OSCP1: variants seen among roughly 807,000 people sequenced by gnomAD.
OSCP1 encodes the protein protein OSCP1.
Under a neutral mutation model 45.1 loss-of-function variants are expected in OSCP1, and 35 were observed. The ratio of observed to expected loss-of-function variants is 0.78; its 90% CI spans 0.59 to 1.03. The LOEUF (loss-of-function observed/expected upper bound fraction) is 1.03. Ranked by LOEUF, OSCP1 falls within the 50% of genes least tolerant of loss-of-function variation. The pLI, the probability that OSCP1 is intolerant of heterozygous loss-of-function variation, is 0.00. For synonymous variants in OSCP1, 179 were observed against 180.1 expected (o/e 0.99, Z 0.05); for missense variants, 400 against 470.7 (o/e 0.85, Z 1.39).
At chr1:36,428,475 T>G in intron 4 of OSCP1, 1 of 1,613,240 alleles carries the variant, frequency 6.2e-7, no homozygotes, top group Non-Finnish European at 8.5e-7. Context: ...AAGCACTCTC[T>G]CTGTATATGC....
At chr1:36,423,889 TAA>T (rs1246615363) in intron 4 of OSCP1, among the ~76,000 whole-genome samples, 2 of 149,992 alleles carry the variant, frequency 1.3e-5, no homozygotes, top group African/African-American at 4.9e-5. Flanking sequence ...AATAAAAAAA[TAA>T]AAAAAAGAAG....
intron 1 of OSCP1, chr1:36,440,767 C>T (rs1407283867): frequency 6.6e-6 from 1 of 152,140 alleles, no homozygotes; most frequent in Non-Finnish European, 1.5e-5. Context: ...AATTGAAAAG[C>T]CACACATAAG....
At chr1:36,426,837 C>G (rs945206081) in intron 4 of OSCP1, among the ~76,000 whole-genome samples, 32 of 152,140 alleles carry the variant, frequency 2.1e-4, no homozygotes, top group African/African-American at 7.5e-4. Flanking sequence ...TCCTGAATAG[C>G]CGGGACTACA....
At chr1:36,432,313 G>T (rs1036290881) in intron 3 of OSCP1, 109 bp downstream of exon 3, 10 of 1,305,926 alleles carry the variant, frequency 7.7e-6, no homozygotes, top group African/African-American at 3.0e-5. Flanking sequence ...AGAGTGGCAG[G>T]CTTTGCCATT....
intron 2 of OSCP1, 102 bp from the exon 3 acceptor site, chr1:36,432,691 T>C (rs555298718): frequency 1.4e-6 from 2 of 1,407,454 alleles, no homozygotes; most frequent in South Asian, 2.4e-5. Flanking sequence ...AAACCAACTC[T>C]GGGCTTGCCA....
intron 2 of OSCP1, among the ~76,000 whole-genome samples, chr1:36,433,744 T>C (rs1648530595): frequency 6.6e-6 from 1 of 152,194 alleles, no homozygotes; most frequent in Admixed American, 6.5e-5. Flanking sequence ...TAAAGTTTTC[T>C]GGGCTGACAT....
chr1:36,436,525 G>A (rs58981471), intron 2 of OSCP1, among the ~76,000 whole-genome samples: 15,544 of 152,086 alleles, frequency 0.1, 948 homozygotes, highest in East Asian at 0.29. Context: ...ACAGGCATAC[G>A]CCATTACACC....
At chr1:36,442,723 T>C (rs1570546787) in intron 1 of OSCP1, among the ~76,000 whole-genome samples, 3 of 152,238 alleles carry the variant, frequency 2.0e-5, no homozygotes, top group Non-Finnish European at 1.5e-5. Flanking sequence ...ATCCTTTCTA[T>C]GTCCCAGGCA....
intron 4 of OSCP1, among the ~76,000 whole-genome samples, chr1:36,426,921 G>T (rs1647997395): frequency 6.6e-6 from 1 of 151,948 alleles, no homozygotes; most frequent in East Asian, 1.9e-4. Context: ...GGCCAGGCTG[G>T]TCTCGAACTC....
chr1:36,435,002 G>A (rs1027535532), intron 2 of OSCP1, among the ~76,000 whole-genome samples: 2 of 151,742 alleles, frequency 1.3e-5, no homozygotes, highest in Non-Finnish European at 2.9e-5. Flanking sequence ...AACTGGTAGA[G>A]CTAAGGCTTA....
chr1:36,450,316 A>G lies in OSCP1; in HGVS notation c.54T>C (p.Leu18=). The change falls in exon 1 of 10, where the codon CTT becomes CTC. Residue 18 remains leucine, a synonymous_variant. Transcript: ENST00000235532. ...CCCGCAGCCGTTGGTCGAGGATGTA[A>G]AGCATCTCCCCGCCCAAGTTCAAGA... is the stretch of plus-strand genomic sequence containing the variant. The part of the protein sequence containing the change: ...LLFLNLGGEM[L]YILDQRLRAQ... The G allele has an allele frequency of 6.2e-7, 1 of 1,613,704 alleles. No homozygotes were observed. Among genetic ancestry groups the G allele is most frequent in the Non-Finnish European group, 8.5e-7 (1 of 1,179,924 alleles).
intron 4 of OSCP1, among the ~76,000 whole-genome samples, chr1:36,424,482 CAT>C (rs1647848050): frequency 6.6e-6 from 1 of 152,198 alleles, no homozygotes; most frequent in South Asian, 2.1e-4. Flanking sequence ...CCACTTTCTA[CAT>C]GAGGCAGCTC....
In OSCP1 at chr1:36,450,262, G is replaced by A. The variant is rs773476229; in HGVS notation, c.108C>T (p.Arg36=). ...RAQNIPGDKA[R]KVLNDIISTM... ...AGCGGGCCGGGGGCCTCTCACCTTT[G>A]CGGGCCTTGTCTCCCGGGATGTTCT... The change falls in exon 1 of 10, where the codon CGC becomes CGT. Residue 36 remains arginine, a synonymous_variant. Transcript: ENST00000235532. The A allele has an allele frequency of 1.9e-6, 3 of 1,612,668 alleles. No homozygotes were observed. The South Asian group carries it at 3.3e-5, about 18-fold the overall frequency.
chr1:36,447,574 C>A lies in OSCP1; in HGVS notation c.112+2684G>T, dbSNP rs1649624079. On this transcript the variant is annotated intron_variant, in intron 1 of 9. Coordinates refer to ENST00000235532, the MANE Select transcript of OSCP1 (RefSeq NM_145047.5). This position sits in a 1 kb window ranked among gnomAD's most constrained non-coding sequence, Gnocchi z 4.1. The stretch of plus-strand genomic sequence containing the variant: ...GAGTATGAACTTTGGAGCCTGATGC[C>A]TTGGGCTCAAATCCTTTACTTTTCC... 6.6e-6 allele frequency among the ~76,000 whole-genome samples: 1 copy of A among 152,164 alleles called. No individual in the cohort carries two copies. Among genetic ancestry groups the A allele is most frequent in the Non-Finnish European group, 1.5e-5 (1 of 68,028 alleles).
intron 4 of OSCP1, among the ~76,000 whole-genome samples, chr1:36,428,891 G>A (rs1196308993): frequency 1.3e-5 from 2 of 152,192 alleles, no homozygotes; most frequent in South Asian, 2.1e-4. Flanking sequence ...GTTGCAGTAA[G>A]CCGAGATTGT....
At chr1:36,423,829 G>A (rs539755308) in intron 4 of OSCP1, among the ~76,000 whole-genome samples, 2 of 152,034 alleles carry the variant, frequency 1.3e-5, no homozygotes, top group South Asian at 2.1e-4. Context: ...AGCCAAGATC[G>A]TGCCATTGCA....
intron 1 of OSCP1, 56 bp downstream of exon 1, chr1:36,450,202 T>C (rs1649814083): frequency 2.1e-6 from 3 of 1,442,124 alleles, no homozygotes; most frequent in South Asian, 1.2e-5. Flanking sequence ...AGGGCGATGA[T>C]GAGAGGGCCG....
At chr1:36,438,581 T>C (rs1044165812) in intron 2 of OSCP1, among the ~76,000 whole-genome samples, 175 bp downstream of exon 2, 1 of 152,220 alleles carries the variant, frequency 6.6e-6, no homozygotes, top group East Asian at 1.9e-4. Context: ...GAGGGGTTGT[T>C]GTGGATGATT....
At chr1:36,420,787 C>T (rs1447118539) in intron 7 of OSCP1, among the ~76,000 whole-genome samples, 172 bp from the exon 8 acceptor site, 1 of 152,202 alleles carries the variant, frequency 6.6e-6, no homozygotes, top group African/African-American at 2.4e-5. Flanking sequence ...AAAACAATCA[C>T]GTCAGTAGCA....
Sources: gnomAD v4.1 joint callset for allele counts (sites outside exome capture counted in the v4.1 genomes callset) on GRCh38, gnomAD v4.1.1 for gene constraint, Gnocchi (gnomAD v3.1) non-coding constraint, MANE v1.5 for transcripts, NCBI Gene and HGNC (gene_info 2026-07-23, HGNC 2026-07-21) for gene names.